The following PTBP2 variants were observed in gnomAD, a reference collection of about 807,000 sequenced individuals.
The protein encoded by PTBP2 is polypyrimidine tract-binding protein 2.
Under a neutral mutation model 61.4 loss-of-function variants are expected in PTBP2, and 13 were observed. That is an observed-to-expected ratio of 0.21 (90% CI 0.14 to 0.34). The LOEUF is 0.34. PTBP2 is among the 10% of genes least tolerant of loss of function. The pLI is 1.00. For synonymous variants in PTBP2, 215 were observed against 218.5 expected (o/e 0.98, Z 0.14); for missense variants, 405 against 642.6 (o/e 0.63, Z 4.00).
intron 8 of PTBP2, among the ~76,000 whole-genome samples, chr1:96,789,370 T>C (rs568140792): frequency 2.6e-5 from 4 of 152,158 alleles, no homozygotes; most frequent in Non-Finnish European, 5.9e-5. Context: ...TTTCTCAAAA[T>C]TTTGCTGCAC....
intron 8 of PTBP2, among the ~76,000 whole-genome samples, chr1:96,800,503 G>A (rs1660874281): frequency 6.6e-6 from 1 of 151,496 alleles, no homozygotes. Flanking sequence ...AGGTCAAGGT[G>A]GGAGGATTGC....
intron 8 of PTBP2, among the ~76,000 whole-genome samples, chr1:96,787,489 A>T (rs149054223): frequency 5.3e-5 from 8 of 152,282 alleles, no homozygotes; most frequent in African/African-American, 1.7e-4. Flanking sequence ...AAAAGGAAAA[A>T]GTGTTTAGCC....
chr1:96,805,038 A>G (rs1210112848), intron 9 of PTBP2, 99 bp downstream of exon 9: 7 of 931,342 alleles, frequency 7.5e-6, no homozygotes, highest in East Asian at 5.3e-5. Context: ...CTTTTTATGT[A>G]CATTCATTAG....
chr1:96,725,849 G>A (rs558849672), intron 2 of PTBP2, among the ~76,000 whole-genome samples: 1 of 151,866 alleles, frequency 6.6e-6, no homozygotes, highest in South Asian at 2.1e-4. Context: ...GGAGGCCGAG[G>A]CGGGCGGATC....
At chr1:96,741,650 G>A (rs1653046293) in intron 2 of PTBP2, among the ~76,000 whole-genome samples, 1 of 151,744 alleles carries the variant, frequency 6.6e-6, no homozygotes, top group African/African-American at 2.4e-5. Context: ...AATTTTAATG[G>A]GACATTTATG....
chr1:96,745,542 G>A (rs1050623028), intron 2 of PTBP2, among the ~76,000 whole-genome samples: 61 of 151,920 alleles, frequency 4.0e-4, no homozygotes, highest in African/African-American at 1.4e-3. Context: ...TTTCAATATG[G>A]ATTTTTCATG....
intron 3 of PTBP2, among the ~76,000 whole-genome samples, chr1:96,763,360 G>C (rs937780451): frequency 6.6e-6 from 1 of 152,236 alleles, no homozygotes; most frequent in East Asian, 1.9e-4. Context: ...CGGATCACTC[G>C]CGGTTAGGAG....
intron 3 of PTBP2, among the ~76,000 whole-genome samples, chr1:96,760,760 T>G (rs1000590300): frequency 5.3e-5 from 8 of 152,188 alleles, no homozygotes; most frequent in African/African-American, 1.7e-4. Flanking sequence ...TACTATTTTC[T>G]TACGGAGTTA....
chr1:96,782,950 G>C (rs141243721), intron 7 of PTBP2, among the ~76,000 whole-genome samples: 106 of 151,372 alleles, frequency 7.0e-4, no homozygotes, highest in Non-Finnish European at 1.3e-3. Flanking sequence ...TTTTTTTTCT[G>C]ATTGTTTTTG....
At chr1:96,734,486 G>A (rs1198143547) in intron 2 of PTBP2, among the ~76,000 whole-genome samples, 1 of 151,292 alleles carries the variant, frequency 6.6e-6, no homozygotes, top group Non-Finnish European at 1.5e-5. Flanking sequence ...AGTGGGGGAA[G>A]GAGTCACGAT....
intron 2 of PTBP2, among the ~76,000 whole-genome samples, chr1:96,732,177 A>C (rs1056999926): frequency 3.3e-5 from 5 of 152,306 alleles, no homozygotes; most frequent in Admixed American, 3.3e-4. Context: ...TATTGAATTC[A>C]TCCTCATTGG....
At chr1:96,750,168 G>T (rs903516332) in intron 2 of PTBP2, among the ~76,000 whole-genome samples, 2 of 151,858 alleles carry the variant, frequency 1.3e-5, no homozygotes, top group African/African-American at 4.8e-5. Flanking sequence ...AAGCTTCCAG[G>T]TCTAATCTTA....
intron 8 of PTBP2, among the ~76,000 whole-genome samples, chr1:96,792,913 T>C (rs1557760688): frequency 6.6e-6 from 1 of 151,988 alleles, no homozygotes; most frequent in Admixed American, 6.6e-5. Flanking sequence ...TTGAAAGCTG[T>C]CCCCCAAGAA....
chr1:96,754,960 T>C (rs1445153168), intron 3 of PTBP2, among the ~76,000 whole-genome samples: 1 of 152,164 alleles, frequency 6.6e-6, no homozygotes, highest in African/African-American at 2.4e-5. Context: ...GTATTTGATA[T>C]GACCCTAAAA....
At chr1:96,736,740 G>A (rs971675026) in intron 2 of PTBP2, among the ~76,000 whole-genome samples, 4 of 151,892 alleles carry the variant, frequency 2.6e-5, no homozygotes, top group African/African-American at 4.8e-5. Context: ...CTGGAGTGCC[G>A]TGGCATGATC....
At chr1:96,816,061 T>C (rs1662469562), downstream of PTBP2, 1 of 152,190 alleles carries the variant, frequency 6.6e-6, no homozygotes, top group Non-Finnish European at 1.5e-5. Context: ...AACTAAGTCC[T>C]GAGCTGTGTG....
At chr1:96,780,502 G>A (rs1658534963) in intron 7 of PTBP2, among the ~76,000 whole-genome samples, 1 of 152,058 alleles carries the variant, frequency 6.6e-6, no homozygotes. Context: ...GATTAGTAGA[G>A]TAGCTAAATG....
intron 11 of PTBP2, among the ~76,000 whole-genome samples, chr1:96,810,905 TTAAG>T (rs1662017145): frequency 1.3e-5 from 2 of 152,164 alleles, no homozygotes; most frequent in South Asian, 4.1e-4. Flanking sequence ...GTATATGAAA[TTAAG>T]TATGTGAAAT....
intron 8 of PTBP2, among the ~76,000 whole-genome samples, chr1:96,791,330 A>T (rs1251238399): frequency 6.6e-6 from 1 of 152,130 alleles, no homozygotes; most frequent in Non-Finnish European, 1.5e-5. Context: ...TGTGTTCTTT[A>T]CTTTTGTGTG....
Sources: gnomAD v4.1 joint callset for allele counts (sites outside exome capture counted in the v4.1 genomes callset) on GRCh38, gnomAD v4.1.1 for gene constraint, MANE v1.5 for transcripts, NCBI Gene and HGNC (gene_info 2026-07-23, HGNC 2026-07-21) for gene names.